The following ZMYM2 variants were observed in gnomAD, a reference collection of about 807,000 sequenced individuals.
ZMYM2 encodes the protein zinc finger MYM-type protein 2.
In ZMYM2, 56 loss-of-function variants were observed where a neutral mutation model predicts 162.8. The ratio of observed to expected loss-of-function variants is 0.34; its 90% CI spans 0.28 to 0.43. The LOEUF is 0.43. Among genes scored for constraint, ZMYM2 ranks in the 20% least tolerant of loss-of-function variants. ZMYM2 has a pLI of 1.00. For synonymous variants in ZMYM2, 510 were observed against 541.6 expected, an observed-to-expected ratio of 0.94 and a Z score of 0.81; for missense variants, 1,275 against 1,621.8, an observed-to-expected ratio of 0.79 and a Z score of 3.67.
the ZMYM2 span, among the ~76,000 whole-genome samples, chr13:19,941,394 CATTAAAGG>C: frequency 6.6e-6 from 1 of 151,580 alleles, no homozygotes; most frequent in Non-Finnish European, 1.5e-5. Flanking sequence ...TTTATTTGAG[CATTAAAGG>C]ATTCATTAAT....
chr13:19,881,083 T>G, the ZMYM2 span, among the ~76,000 whole-genome samples: 3 of 151,786 alleles, frequency 2.0e-5, no homozygotes, highest in Admixed American at 6.6e-5. Flanking sequence ...GAGAGGGCAT[T>G]TCACCATGTT....
At chr13:19,985,830 T>C (rs944030604) in intron 2 of ZMYM2, among the ~76,000 whole-genome samples, 3 of 151,560 alleles carry the variant, frequency 2.0e-5, no homozygotes, top group Non-Finnish European at 4.4e-5. Context: ...GAACTGAGAT[T>C]GCACCACTAT....
chr13:19,929,528 G>A, the ZMYM2 span, among the ~76,000 whole-genome samples: 1 of 152,128 alleles, frequency 6.6e-6, no homozygotes, highest in Non-Finnish European at 1.5e-5. Context: ...GTGAGCCACC[G>A]CGCCCAGCCT....
At chr13:19,952,552 A>T in the ZMYM2 span, among the ~76,000 whole-genome samples, 1 of 152,228 alleles carries the variant, frequency 6.6e-6, no homozygotes, top group Non-Finnish European at 1.5e-5. Flanking sequence ...TAAAAAGAGA[A>T]ACATGATGGG....
In ZMYM2 at chr13:20,051,423, T is replaced by C; in HGVS notation, c.2293-10T>C. 1 of 1,605,990 alleles carries C rather than the reference T, an allele frequency of 6.2e-7. No homozygotes were observed. Among genetic ancestry groups the C allele is most frequent in the South Asian group, 1.1e-5 (1 of 89,268 alleles). Reference sequence around the variant, plus strand: ...TTTGCAATATCTGAAACCTTCCTTTTTAAATTAAGGCTGCAAGGTGTGACT... The same window carrying C: ...TTTGCAATATCTGAAACCTTCCTTTCTAAATTAAGGCTGCAAGGTGTGACT... On this transcript the variant is annotated splice_polypyrimidine_tract_variant and intron_variant, in intron 12 of 24. Coordinates refer to ENST00000610343, the MANE Select transcript of ZMYM2 (RefSeq NM_197968.4).
the ZMYM2 span, among the ~76,000 whole-genome samples, chr13:19,947,384 C>T: frequency 6.6e-6 from 1 of 151,054 alleles, no homozygotes; most frequent in Non-Finnish European, 1.5e-5. Flanking sequence ...TAGAAGGAAG[C>T]CAGAGTACAA....
intron 11 of ZMYM2, 71 bp from the exon 12 acceptor site, chr13:20,036,663 TAAG>T: frequency 6.4e-6 from 8 of 1,255,684 alleles, no homozygotes; most frequent in Non-Finnish European, 8.3e-6. Flanking sequence ...CTTGACCAAT[TAAG>T]ATCTGTCTCT....
chr13:19,877,201 G>A, the ZMYM2 span, among the ~76,000 whole-genome samples: 2 of 119,572 alleles, frequency 1.7e-5, no homozygotes, highest in African/African-American at 6.3e-5. Context: ...GACAGAGCGA[G>A]ACTCCGTCTC....
chr13:19,994,279 G>A (rs1332532513), intron 3 of ZMYM2, among the ~76,000 whole-genome samples: 5 of 152,302 alleles, frequency 3.3e-5, no homozygotes, highest in East Asian at 1.9e-4. Context: ...CCAGGAGTTC[G>A]AGACCAGTCT....
At chr13:20,075,861 T>C (rs1477418505) in intron 21 of ZMYM2, among the ~76,000 whole-genome samples, 2 of 151,728 alleles carry the variant, frequency 1.3e-5, no homozygotes, top group Non-Finnish European at 2.9e-5. Context: ...GTTGGGTTTT[T>C]TTTCCCCCCC....
chr13:20,085,040 T>C (rs1320840667), intron 24 of ZMYM2, among the ~76,000 whole-genome samples: 1 of 152,208 alleles, frequency 6.6e-6, no homozygotes, highest in Non-Finnish European at 1.5e-5. Context: ...ATGAAATTCA[T>C]TTATATTTCA....
At chr13:19,946,489 T>C in the ZMYM2 span, among the ~76,000 whole-genome samples, 1 of 152,262 alleles carries the variant, frequency 6.6e-6, no homozygotes, top group Admixed American at 6.5e-5. Flanking sequence ...AGAAAAGTGT[T>C]CTATAATCAT....
Position 20,059,537 on chromosome 13 carries a change from C to T in ZMYM2, c.2714C>T (p.Pro905Leu). Reference protein sequence around the residue: ...VPMHMYSQNIPVPTTVPVPVP... With the variant: ...VPMHMYSQNILVPTTVPVPVP... Reference sequence around the variant, plus strand: ...ATGCACATGTACAGTCAGAATATTCCTGTTCCTACTACAGTTCCTGTTCCT... The same window carrying T: ...ATGCACATGTACAGTCAGAATATTCTTGTTCCTACTACAGTTCCTGTTCCT... The change falls in exon 16 of 25, where the codon CCT becomes CTT. Residue 905 changes from proline (P) to leucine (L), a missense_variant. Pro to Leu is a moderately conservative substitution (Grantham distance 98). Transcript: ENST00000610343. 7.6e-7 allele frequency: 1 copy of T among 1,309,326 alleles called. No homozygotes were observed. 81.1% of individuals were successfully genotyped at this position (1,309,326 alleles called of 1,614,324 possible).
chr13:19,893,162 G>C, the ZMYM2 span, among the ~76,000 whole-genome samples: 2,028 of 151,684 alleles, frequency 0.013, 58 homozygotes, highest in African/African-American at 0.036. Context: ...GCTGCACATG[G>C]TGGCTCACGC....
intron 16 of ZMYM2, among the ~76,000 whole-genome samples, chr13:20,060,663 A>G (rs1273357724): frequency 6.6e-6 from 1 of 151,870 alleles, no homozygotes; most frequent in African/African-American, 2.4e-5. Flanking sequence ...GGGCAACAAG[A>G]GTGAAATTCC....
rs1566447978 is a variant in ZMYM2, at chr13:20,069,520, G to T, written c.3453+2130G>T. 2.1e-5 allele frequency among the ~76,000 whole-genome samples: 3 copies of T among 144,852 alleles called. No homozygotes were observed. In the South Asian group the frequency reaches 6.6e-4, roughly 32 times the overall value. On this transcript the variant is annotated intron_variant, in intron 21 of 24. Transcript: ENST00000610343. ...ACTTTTTATTTTGTTGCTGAGAGTT[G>T]TTTTTTTTTTAATTATAAATGCTTA...
At chr13:19,914,350 T>A in the ZMYM2 span, among the ~76,000 whole-genome samples, 2 of 152,240 alleles carry the variant, frequency 1.3e-5, no homozygotes, top group African/African-American at 4.8e-5. Context: ...GCTGTTGTTG[T>A]CCATTGGGCT....
chr13:19,912,292 G>GTTTTTTTTTTTTTTTTTTTTTTGGTT, the ZMYM2 span, among the ~76,000 whole-genome samples: 1 of 75,714 alleles, frequency 1.3e-5, no homozygotes, highest in Non-Finnish European at 2.5e-5. Context: ...TGTTTTTTGG[G>GTTTTTTTTTTTTTTTTTTTTTTGGTT]TTTTTTTTTT....
rs61762995 is a variant in ZMYM2 at position 19,993,767 on chromosome 13, T to A, written c.695T>A (p.Leu232Gln). The change falls in exon 3 of 25, where the codon CTG (leucine) becomes CAG (glutamine). Residue 232 changes from leucine to glutamine, a missense_variant. By Grantham distance (113) the Leu-to-Gln change is moderately radical. This residue lies in a region of ZMYM2 where 295 missense variants were observed against 286.7 expected (regional missense o/e 1.03). Coordinates refer to ENST00000610343, the MANE Select transcript of ZMYM2 (RefSeq NM_197968.4). ...AACTTGGGAGATGTCTCTAACGGACTGCAGTCAAGTAATTTTGGTGTTAAT... is the reference window on the plus strand; with the variant it reads ...AACTTGGGAGATGTCTCTAACGGACAGCAGTCAAGTAATTTTGGTGTTAAT... ...NTNLGDVSNG[L>Q]QSSNFGVNIQ... 740 of 1,614,076 alleles carry A rather than the reference T, an allele frequency of 4.6e-4. No individual in the cohort carries two copies. The highest frequency in any genetic ancestry group is 5.8e-4 in the Non-Finnish European group (679 of 1,180,034).
Sources: gnomAD v4.1 joint callset for allele counts (sites outside exome capture counted in the v4.1 genomes callset) on GRCh38, gnomAD v4.1.1 for gene constraint, gnomAD v4.1.1 regional missense constraint, MANE v1.5 for transcripts, NCBI Gene and HGNC (gene_info 2026-07-23, HGNC 2026-07-21) for gene names.